The following FAM13A variants were observed in gnomAD, a reference collection of about 807,000 sequenced individuals.
FAM13A encodes the protein family with sequence similarity 13 member A.
A neutral mutation model predicts 129.6 loss-of-function variants in FAM13A; 76 were observed. The ratio of observed to expected loss-of-function variants is 0.59; its 90% CI spans 0.49 to 0.71. The LOEUF is 0.71. Among genes scored for constraint, FAM13A ranks in the 30% least tolerant of loss-of-function variants. The pLI is 0.00. For missense variants in FAM13A, 1,108 were observed against 1,249.3 expected, an observed-to-expected ratio of 0.89 and a Z score of 1.70; for synonymous variants, 443 against 449.9, an observed-to-expected ratio of 0.98 and a Z score of 0.20.
intron 5 of FAM13A, among the ~76,000 whole-genome samples, chr4:88,913,700 C>G (rs111323396): frequency 9.9e-5 from 15 of 152,272 alleles, no homozygotes; most frequent in Non-Finnish European, 2.2e-4. Context: ...TGAAGGAAGT[C>G]GGAGTGACTC....
At chr4:89,028,586 G>C (rs867686920) in intron 2 of FAM13A, among the ~76,000 whole-genome samples, 1 of 151,990 alleles carries the variant, frequency 6.6e-6, no homozygotes, top group Non-Finnish European at 1.5e-5. Context: ...AGCTACTCGC[G>C]AGGCTAAGAA....
chr4:88,973,701 AT>A (rs370860450), intron 4 of FAM13A, among the ~76,000 whole-genome samples: 2,156 of 151,986 alleles, frequency 0.014, 59 homozygotes, highest in African/African-American at 0.048. Flanking sequence ...CTGCTTTGTG[AT>A]TTTTTTCATG....
At chr4:88,927,991 C>T (rs1045247272) in intron 5 of FAM13A, among the ~76,000 whole-genome samples, 1 of 152,008 alleles carries the variant, frequency 6.6e-6, no homozygotes, top group Admixed American at 6.6e-5. Flanking sequence ...CCACAAACTT[C>T]CCTCTTAACA....
At chr4:88,904,152 C>T (rs1489624255) in intron 6 of FAM13A, among the ~76,000 whole-genome samples, 1 of 152,048 alleles carries the variant, frequency 6.6e-6, no homozygotes, top group Non-Finnish European at 1.5e-5. Flanking sequence ...AAAAGAAATG[C>T]TTTTACAGTG....
chr4:88,945,988 G>GTATATATATATA (rs1553901158), intron 4 of FAM13A, among the ~76,000 whole-genome samples: 22 of 13,664 alleles, frequency 1.6e-3, no homozygotes, highest in African/African-American at 6.0e-3. Flanking sequence ...GTGTGTGTGT[G>GTATATATATATA]TGTATATATA....
intron 10 of FAM13A, among the ~76,000 whole-genome samples, chr4:88,786,185 C>A (rs577705514): frequency 2.6e-5 from 4 of 152,274 alleles, no homozygotes; most frequent in East Asian, 1.9e-4. Flanking sequence ...TGTCCTCCCC[C>A]AGACCTGCTG....
intron 12 of FAM13A, 111 bp from the exon 13 acceptor site, chr4:88,767,706 C>A: frequency 1.2e-6 from 1 of 838,378 alleles, no homozygotes. Context: ...TAGCTCTAAG[C>A]CAAATACTTA....
At chr4:88,946,008 A>G (rs866966719) in intron 4 of FAM13A, among the ~76,000 whole-genome samples, 951 of 94,978 alleles carry the variant, frequency 0.01, 12 homozygotes, top group Non-Finnish European at 0.017. Flanking sequence ...ATATATATAT[A>G]TATATATATA....
chr4:89,049,050 A>G (rs1233166233), intron 1 of FAM13A, among the ~76,000 whole-genome samples: 4 of 152,190 alleles, frequency 2.6e-5, no homozygotes, highest in Admixed American at 2.0e-4. Context: ...TTCTCAACAC[A>G]TTTACTGGAA....
chr4:89,036,300 A>C (rs1769380813), intron 1 of FAM13A, among the ~76,000 whole-genome samples: 1 of 152,204 alleles, frequency 6.6e-6, no homozygotes, highest in Non-Finnish European at 1.5e-5. Context: ...AGGAAGTGGC[A>C]GCATTTTGCC....
chr4:88,775,387 T>C (rs185148564), intron 11 of FAM13A, among the ~76,000 whole-genome samples: 7 of 152,022 alleles, frequency 4.6e-5, no homozygotes, highest in East Asian at 1.9e-4. Flanking sequence ...ATCTAGACTA[T>C]AGGGAAATGA....
rs929932191 is a variant in FAM13A, at chr4:88,726,801, G to A, written c.*1732C>T. On this transcript the variant is annotated 3_prime_UTR_variant, in exon 24 of 24. Transcript: ENST00000264344. Reference sequence around the variant, plus strand: ...AAAGAATTCCAAACTATATTTTTATGTACATTTAAACCTGTAGGATTATGT... The same window carrying A: ...AAAGAATTCCAAACTATATTTTTATATACATTTAAACCTGTAGGATTATGT... 1 of 152,598 alleles carries A rather than the reference G, an allele frequency of 6.6e-6. No homozygotes were observed. Among genetic ancestry groups the A allele is most frequent in the African/African-American group, 2.4e-5 (1 of 41,426 alleles). 9.5% of individuals were successfully genotyped at this position (152,598 alleles called of 1,614,324 possible).
At chr4:88,791,611 T>C (rs1725173534) in intron 8 of FAM13A, among the ~76,000 whole-genome samples, 1 of 152,132 alleles carries the variant, frequency 6.6e-6, no homozygotes, top group Non-Finnish European at 1.5e-5. Flanking sequence ...TAGTTCTACC[T>C]AATAGTCCTA....
Position 89,057,147 on chromosome 4 carries a change from T to C in FAM13A, c.-183A>G. On this transcript the variant is annotated 5_prime_UTR_variant, in exon 1 of 24. Transcript: ENST00000264344. Reference sequence around the variant, plus strand: ...TAGGAAGAGTGGTTTTGCTTCTCTTTCCGCTGAACCCACATGGCTGGAAGG... The same window carrying C: ...TAGGAAGAGTGGTTTTGCTTCTCTTCCCGCTGAACCCACATGGCTGGAAGG... 6.9e-7 allele frequency: 1 copy of C among 1,439,828 alleles called. No individual in the cohort carries two copies. Among genetic ancestry groups the C allele is most frequent in the Non-Finnish European group, 9.1e-7 (1 of 1,098,440 alleles). The allele number at this position is 1,439,828 out of a possible 1,614,324, so 89.2% of individuals were successfully genotyped here. A position where few individuals can be genotyped will look rare whatever the true frequency, so the allele number is the denominator to read the frequency against.
chr4:88,798,217 C>T (rs1377290), intron 8 of FAM13A, among the ~76,000 whole-genome samples: 78,635 of 151,748 alleles, frequency 0.52, 20,662 homozygotes, highest in East Asian at 0.68. Flanking sequence ...TGCTGGAGAA[C>T]TGGAAACAAA....
intron 7 of FAM13A, among the ~76,000 whole-genome samples, chr4:88,818,190 C>T (rs1042645248): frequency 2.0e-5 from 3 of 151,908 alleles, no homozygotes; most frequent in South Asian, 2.1e-4. Flanking sequence ...TTAGTAGAGA[C>T]GGATTTCACC....
chr4:88,897,746 G>A (rs2150193888), intron 6 of FAM13A, among the ~76,000 whole-genome samples: 1 of 152,222 alleles, frequency 6.6e-6, no homozygotes, highest in East Asian at 1.9e-4. Flanking sequence ...ATATTTTGAA[G>A]GTGTTCTCAG....
intron 3 of FAM13A, among the ~76,000 whole-genome samples, chr4:89,018,223 T>C (rs1240106543): frequency 1.3e-5 from 2 of 152,132 alleles, no homozygotes; most frequent in African/African-American, 4.8e-5. Context: ...TAGATTATAA[T>C]GGGGTCCCTA....
intron 5 of FAM13A, among the ~76,000 whole-genome samples, chr4:88,913,545 G>A (rs957153311): frequency 6.6e-6 from 1 of 151,470 alleles, no homozygotes; most frequent in Admixed American, 6.6e-5. Context: ...GGAAGAAGAG[G>A]AGGAAGAGGA....
Sources: allele counts gnomAD v4.1 joint callset (sites outside exome capture counted in the v4.1 genomes callset), GRCh38; gene constraint gnomAD v4.1.1; transcripts MANE v1.5; gene names NCBI Gene and HGNC (gene_info 2026-07-23, HGNC 2026-07-21).